INO80D: variants seen among roughly 807,000 people sequenced by gnomAD.
INO80D encodes the protein INO80 complex subunit D.
In INO80D, 21 loss-of-function variants were observed where a neutral mutation model predicts 87.6. That is an observed-to-expected ratio of 0.24 (90% confidence interval 0.17 to 0.35). The LOEUF is 0.35. Among genes scored for constraint, INO80D ranks in the 10% least tolerant of loss-of-function variants. INO80D has a pLI of 1.00. For missense variants in INO80D, 982 were observed against 1,280.7 expected (o/e 0.77, Z 3.56); for synonymous variants, 440 against 491.0 (o/e 0.90, Z 1.37).
chr2:206,059,163 C>A (rs947396246), intron 3 of INO80D, among the ~76,000 whole-genome samples: 1 of 151,932 alleles, frequency 6.6e-6, no homozygotes, highest in Non-Finnish European at 1.5e-5. Flanking sequence ...GGTGGATCAC[C>A]TGAGGTCAGT....
At chr2:206,009,500 A>G in intron 9 of INO80D, 77 bp downstream of exon 9, 6 of 1,251,244 alleles carry the variant, frequency 4.8e-6, no homozygotes, top group Non-Finnish European at 6.7e-6. Flanking sequence ...CAACTTTACA[A>G]TAACCACATG....
intron 1 of INO80D, among the ~76,000 whole-genome samples, chr2:206,075,937 A>T (rs1219447334): frequency 1.3e-5 from 2 of 151,640 alleles, no homozygotes; most frequent in Non-Finnish European, 2.9e-5. Context: ...CTGTAATCCC[A>T]GGTACTCTGG....
intron 5 of INO80D, among the ~76,000 whole-genome samples, chr2:206,030,558 A>G (rs1688734936): frequency 6.6e-6 from 1 of 152,152 alleles, no homozygotes; most frequent in African/African-American, 2.4e-5. Context: ...CACAAATACA[A>G]CACGTAAGCC....
chr2:206,027,496 T>G (rs1465681690), intron 6 of INO80D, among the ~76,000 whole-genome samples: 1 of 152,140 alleles, frequency 6.6e-6, no homozygotes, highest in Non-Finnish European at 1.5e-5. Flanking sequence ...GCCAGGAGTT[T>G]GAGACCAGCT....
chr2:206,015,382 C>T (rs557342877), intron 8 of INO80D, among the ~76,000 whole-genome samples: 1 of 152,168 alleles, frequency 6.6e-6, no homozygotes, highest in African/African-American at 2.4e-5. Context: ...AAACCCAGGG[C>T]TCCCGTGCTC....
chr2:206,022,771 T>C (rs191856676), intron 6 of INO80D, among the ~76,000 whole-genome samples: 276 of 152,264 alleles, frequency 1.8e-3, no homozygotes, highest in African/African-American at 6.4e-3. Context: ...TGGAGTGCAA[T>C]GGTGCAATCT....
intron 1 of INO80D, among the ~76,000 whole-genome samples, chr2:206,083,449 AT>A (rs1690338975): frequency 6.6e-6 from 1 of 152,214 alleles, no homozygotes; most frequent in South Asian, 2.1e-4. Context: ...GTTTAAAAAA[AT>A]GTCCATGTCA....
rs187336234 is a variant in INO80D at position 206,022,609 on chromosome 2, G to T, written c.1299-2764C>A. Among the ~76,000 whole-genome samples, 49 of 152,168 alleles carry T rather than the reference G, an allele frequency of 3.2e-4. 1 individual carries two copies. The East Asian group carries it at 8.7e-3, about 27-fold the overall frequency. ...GTGGGCTGCAAGATACTTAATTTGGGTTCACATATTTGAAGCTATTTCAAT... is the reference window on the plus strand; with the variant it reads ...GTGGGCTGCAAGATACTTAATTTGGTTTCACATATTTGAAGCTATTTCAAT... On this transcript the variant is annotated intron_variant, in intron 6 of 10. Transcript: ENST00000403263.
chr2:206,013,379 T>C (rs1575800846), intron 8 of INO80D, among the ~76,000 whole-genome samples: 1 of 151,680 alleles, frequency 6.6e-6, no homozygotes, highest in Non-Finnish European at 1.5e-5. Context: ...TGGTGAAACC[T>C]CATCTCTACT....
rs1043630313 is a variant in INO80D at position 206,019,753 on chromosome 2, G to C, written c.1391C>G (p.Thr464Ser). ...EQCANKALPFTRHCFQHILLN... is the reference protein window; with the variant it reads ...EQCANKALPFSRHCFQHILLN... ...AAGGATACGTTGGAAACAATGTCTGGTGAATGGAAGGGCTTTGTTAGCGCA... is the reference window on the plus strand; with the variant it reads ...AAGGATACGTTGGAAACAATGTCTGCTGAATGGAAGGGCTTTGTTAGCGCA... Residue 464 changes from threonine (T) to serine (S), a missense_variant, in exon 7 of 11, where the codon ACC (threonine) becomes AGC (serine). Coordinates refer to ENST00000403263, the MANE Select transcript of INO80D (RefSeq NM_017759.5). The C allele has an allele frequency of 1.4e-5, 22 of 1,613,502 alleles. No individual in the cohort carries two copies. Among genetic ancestry groups the C allele is most frequent in the Non-Finnish European group, 1.8e-5 (21 of 1,179,572 alleles).
In INO80D at chr2:206,085,400, AC is replaced by A. The variant is rs1690419165; in HGVS notation, c.-124+500del. The A allele has an allele frequency of 6.6e-6, 1 of 151,114 alleles. No homozygotes were observed. Among genetic ancestry groups the A allele is most frequent in the South Asian group, 2.1e-4 (1 of 4,792 alleles). The allele number at this position is 151,114 out of a possible 1,614,324, so 9.4% of individuals were successfully genotyped here. A position where few individuals can be genotyped will look rare whatever the true frequency, so the allele number is the denominator to read the frequency against. ...CCCCACTCCCCACTCCTAGGCCCTG[AC>A]GCCCCTGTCCCGGCAGCCCGGGCCT... On this transcript the variant is annotated intron_variant, in intron 1 of 10. Coordinates refer to ENST00000403263, the MANE Select transcript of INO80D (RefSeq NM_017759.5). This position sits in a 1 kb window ranked among gnomAD's most constrained non-coding sequence, Gnocchi z 4.5.
intron 4 of INO80D, among the ~76,000 whole-genome samples, chr2:206,050,920 G>A (rs1411615543): frequency 6.6e-6 from 1 of 152,038 alleles, no homozygotes; most frequent in Non-Finnish European, 1.5e-5. Context: ...AGTGAGCCGA[G>A]ATCCCGCCAC....
intron 4 of INO80D, among the ~76,000 whole-genome samples, chr2:206,054,444 A>G (rs1689461085): frequency 6.6e-6 from 1 of 152,184 alleles, no homozygotes; most frequent in African/African-American, 2.4e-5. Context: ...CCTTGCACAT[A>G]TATCCTTACA....
intron 4 of INO80D, among the ~76,000 whole-genome samples, chr2:206,055,372 G>A (rs143804689): frequency 1.7e-3 from 266 of 152,286 alleles, no homozygotes; most frequent in Middle Eastern, 6.8e-3. Context: ...AAGAAAAATA[G>A]ACATGTGACT....
chr2:206,059,813 A>C (rs1326397533), intron 3 of INO80D, among the ~76,000 whole-genome samples: 1 of 152,246 alleles, frequency 6.6e-6, no homozygotes, highest in Non-Finnish European at 1.5e-5. Flanking sequence ...TATCTTAAAC[A>C]GAACAGATTC....
chr2:206,032,982 T>C (rs1334176050), intron 5 of INO80D, among the ~76,000 whole-genome samples: 2 of 152,224 alleles, frequency 1.3e-5, no homozygotes, highest in Non-Finnish European at 2.9e-5. Flanking sequence ...GTACCTCATA[T>C]TTCAATACTA....
rs1688757131 is a variant in INO80D at position 206,031,219 on chromosome 2, ACTC to A, written c.1074-2887_1074-2885del. Reference sequence around the variant, plus strand: ...CAGTGAGCCAAGATCACGCCAGTGCACTCCAGCCTGGGTGACAGAGCAAGACTC... The same window carrying A: ...CAGTGAGCCAAGATCACGCCAGTGCACAGCCTGGGTGACAGAGCAAGACTC... On this transcript the variant is annotated intron_variant, in intron 5 of 10. Coordinates refer to ENST00000403263, the MANE Select transcript of INO80D (RefSeq NM_017759.5). Among the ~76,000 whole-genome samples, 4 of 151,172 alleles carry A rather than the reference ACTC, an allele frequency of 2.6e-5. No homozygotes were observed. In the East Asian group the frequency reaches 7.8e-4, roughly 29 times the overall value.
intron 1 of INO80D, among the ~76,000 whole-genome samples, chr2:206,081,326 T>C (rs533069493): frequency 6.6e-6 from 1 of 152,238 alleles, no homozygotes; most frequent in Admixed American, 6.5e-5. Flanking sequence ...ACAGTGGTTA[T>C]CCTTTGAGTG....
chr2:206,083,802 C>G (rs1690350369), intron 1 of INO80D, among the ~76,000 whole-genome samples: 1 of 149,666 alleles, frequency 6.7e-6, no homozygotes. Context: ...GCCAGCAACT[C>G]CAGCCTGCTA....
Sources: gnomAD v4.1 joint callset for allele counts (sites outside exome capture counted in the v4.1 genomes callset) on GRCh38, gnomAD v4.1.1 for gene constraint, Gnocchi (gnomAD v3.1) non-coding constraint, MANE v1.5 for transcripts, NCBI Gene and HGNC (gene_info 2026-07-23, HGNC 2026-07-21) for gene names.